Variants in LRP1B observed in about 807,000 individuals in gnomAD.
The protein encoded by LRP1B is low-density lipoprotein receptor-related protein 1B.
Under a neutral mutation model 556.6 loss-of-function variants are expected in LRP1B, and 217 were observed. That is an observed-to-expected ratio of 0.39 (90% CI 0.35 to 0.44). The LOEUF (loss-of-function observed/expected upper bound fraction) is 0.44, where lower values mean the gene tolerates loss of function less well. Ranked by LOEUF, LRP1B falls within the 20% of genes least tolerant of loss-of-function variation. The pLI is 1.00. For synonymous variants in LRP1B, 2,047 were observed against 1,865.8 expected (o/e 1.10, Z -2.50); for missense variants, 5,053 against 5,620.8 (o/e 0.90, Z 3.23).
chr2:140,510,752 T>C (rs1316241898), intron 51 of LRP1B, among the ~76,000 whole-genome samples: 2 of 152,200 alleles, frequency 1.3e-5, no homozygotes, highest in Admixed American at 6.5e-5. Context: ...CTTTGCTCTA[T>C]CACTGCAATG....
intron 2 of LRP1B, among the ~76,000 whole-genome samples, chr2:141,663,389 T>C (rs558037948): frequency 4.5e-4 from 66 of 147,540 alleles, no homozygotes; most frequent in African/African-American, 1.6e-3. Flanking sequence ...AAAAAATCAA[T>C]GAATCCAGGA....
chr2:140,428,789 C>T (rs1426581510), intron 66 of LRP1B, among the ~76,000 whole-genome samples: 9 of 152,300 alleles, frequency 5.9e-5, no homozygotes, highest in Middle Eastern at 3.4e-3. Flanking sequence ...TGCGTATTGA[C>T]GGCCAGGCTT....
Position 141,013,696 on chromosome 2 carries a change from T to A in LRP1B, c.2240A>T (p.His747Leu), listed in dbSNP as rs754396291. ...ATCAGTCCAGAACACATAATTTCCA[T>A]GATGCGACAGTCCGAAAGGGTGGTT... ...ELNHPFGLSH[H>L]GNYVFWTDYM... Residue 747 changes from histidine to leucine, a missense_variant, in exon 14 of 91, where the codon CAT (histidine) becomes CTT (leucine). Physicochemically the swap from His to Leu is moderately conservative, Grantham distance 99 (BLOSUM62 -3). Transcript: ENST00000389484. The A allele has an allele frequency of 2.5e-6, 4 of 1,604,098 alleles. No homozygotes were observed. Among genetic ancestry groups the A allele is most frequent in the Non-Finnish European group, 3.4e-6 (4 of 1,175,568 alleles).
intron 66 of LRP1B, among the ~76,000 whole-genome samples, chr2:140,428,215 C>T (rs547988039): frequency 1.3e-5 from 2 of 152,158 alleles, no homozygotes; most frequent in South Asian, 2.1e-4. Flanking sequence ...AACCCCACAA[C>T]AGGACTTAAT....
At chr2:140,399,746 T>C (rs1377782671) in intron 66 of LRP1B, among the ~76,000 whole-genome samples, 1 of 152,306 alleles carries the variant, frequency 6.6e-6, no homozygotes, top group East Asian at 1.9e-4. Context: ...TGGCAGGCTG[T>C]AAAGACTTTA....
At chr2:140,533,602 G>T (rs1164209157) in intron 47 of LRP1B, among the ~76,000 whole-genome samples, 6 of 152,164 alleles carry the variant, frequency 3.9e-5, no homozygotes, top group African/African-American at 1.4e-4. Flanking sequence ...AAGATTTGTT[G>T]ATGACTGGAT....
chr2:141,197,530 A>G (rs1185428619), intron 6 of LRP1B, among the ~76,000 whole-genome samples: 1 of 152,142 alleles, frequency 6.6e-6, no homozygotes, highest in Non-Finnish European at 1.5e-5. Flanking sequence ...TCAAAAAAGA[A>G]CATATATGAT....
intron 66 of LRP1B, among the ~76,000 whole-genome samples, chr2:140,433,222 C>T (rs920019122): frequency 6.6e-6 from 1 of 152,164 alleles, no homozygotes; most frequent in South Asian, 2.1e-4. Context: ...CTCAGTCTCC[C>T]GAATAGCTTG....
At chr2:141,385,632 G>A (rs1196866535) in intron 3 of LRP1B, among the ~76,000 whole-genome samples, 2 of 151,948 alleles carry the variant, frequency 1.3e-5, no homozygotes, top group African/African-American at 4.8e-5. Flanking sequence ...TGTTAATGAG[G>A]CAGATGACTC....
chr2:140,453,962 A>G (rs1210656544), intron 62 of LRP1B, among the ~76,000 whole-genome samples: 3 of 152,098 alleles, frequency 2.0e-5, no homozygotes, highest in Non-Finnish European at 4.4e-5. Flanking sequence ...TTAAAGGTCT[A>G]CCTCACTGAA....
intron 66 of LRP1B, among the ~76,000 whole-genome samples, chr2:140,440,429 C>G (rs1003087374): frequency 6.6e-6 from 1 of 152,076 alleles, no homozygotes. Context: ...CTGAGTCAAA[C>G]GATAAGGACT....
chr2:141,501,966 G>A (rs923723134), intron 2 of LRP1B, among the ~76,000 whole-genome samples: 1 of 151,988 alleles, frequency 6.6e-6, no homozygotes, highest in African/African-American at 2.4e-5. Context: ...GTGGAGGGAG[G>A]CACCAGCCTA....
At chr2:142,049,239 T>C (rs1045999080) in intron 1 of LRP1B, among the ~76,000 whole-genome samples, 1 of 152,106 alleles carries the variant, frequency 6.6e-6, no homozygotes, top group African/African-American at 2.4e-5. Context: ...ACTTTCCATA[T>C]GTTGTTATAT....
chr2:142,002,478 G>A (rs1702682946), intron 1 of LRP1B, among the ~76,000 whole-genome samples: 1 of 151,526 alleles, frequency 6.6e-6, no homozygotes, highest in Admixed American at 6.6e-5. Flanking sequence ...GATAAGTGCT[G>A]CTAGCCCTTT....
intron 3 of LRP1B, among the ~76,000 whole-genome samples, chr2:141,288,595 G>A (rs1685815624): frequency 6.6e-6 from 1 of 152,098 alleles, no homozygotes; most frequent in Non-Finnish European, 1.5e-5. Context: ...GGAGCTGACA[G>A]CCTACTAGTT....
rs763288310 is a variant in LRP1B, at chr2:141,229,441, C to G, written c.593-1G>C. 1 of 1,539,318 alleles carries G rather than the reference C, an allele frequency of 6.5e-7. No individual in the cohort carries two copies. The highest frequency in any genetic ancestry group is 1.2e-5 in the South Asian group (1 of 84,220). On this transcript the variant is annotated splice_acceptor_variant, in intron 5 of 90. Transcript: ENST00000389484. LOFTEE classifies it high-confidence loss of function. ...AGTATAGGTGGTCTATCTGTAGGTT[C>G]TGGAATAAAATAGAAAAAGAGAAGT...
intron 74 of LRP1B, among the ~76,000 whole-genome samples, chr2:140,357,133 C>A (rs1682262694): frequency 6.6e-6 from 1 of 151,648 alleles, no homozygotes; most frequent in Non-Finnish European, 1.5e-5. Flanking sequence ...TTTTAGAAGG[C>A]CTTCTCTTTT....
At chr2:141,157,300 G>A (rs561647643) in intron 7 of LRP1B, among the ~76,000 whole-genome samples, 2 of 151,476 alleles carry the variant, frequency 1.3e-5, no homozygotes, top group East Asian at 3.9e-4. Context: ...ATAAAATAAA[G>A]TTTCATTATT....
At chr2:140,905,642 A>C (rs1217172750) in intron 22 of LRP1B, among the ~76,000 whole-genome samples, 1 of 152,042 alleles carries the variant, frequency 6.6e-6, no homozygotes, top group Non-Finnish European at 1.5e-5. Context: ...GTTAAGCACC[A>C]GTTATCTAAC....
Sources: gnomAD v4.1 joint callset for allele counts (sites outside exome capture counted in the v4.1 genomes callset) on GRCh38, gnomAD v4.1.1 for gene constraint, MANE v1.5 for transcripts, NCBI Gene and HGNC (gene_info 2026-07-23, HGNC 2026-07-21) for gene names.